Variants in TMEM132D observed in about 807,000 individuals in gnomAD.
The protein encoded by TMEM132D is transmembrane protein 132D, also known as mature OL transmembrane protein.
Under a neutral mutation model 62.3 loss-of-function variants are expected in TMEM132D, and 21 were observed. The observed-to-expected ratio is 0.34, with a 90% CI of 0.24 to 0.49. The LOEUF is 0.49. TMEM132D is among the 20% of genes least tolerant of loss of function. The probability of loss-of-function intolerance (pLI) is 0.99; values close to 1 mark genes in which losing one functional copy is unlikely to be tolerated. For missense variants in TMEM132D, 1,346 were observed against 1,402.8 expected (o/e 0.96, Z 0.65); for synonymous variants, 621 against 575.6 (o/e 1.08, Z -1.13).
intron 5 of TMEM132D, among the ~76,000 whole-genome samples, chr12:129,206,676 A>G (rs1294205923): frequency 6.6e-6 from 1 of 152,246 alleles, no homozygotes; most frequent in African/African-American, 2.4e-5. Context: ...TACACTATTC[A>G]CAATAGCAAA....
At chr12:129,490,007 A>G (rs768189930) in intron 3 of TMEM132D, among the ~76,000 whole-genome samples, 45 of 152,220 alleles carry the variant, frequency 3.0e-4, no homozygotes, top group Non-Finnish European at 5.7e-4. Context: ...TATATGCCCC[A>G]TGGAATTAGG....
At chr12:129,349,146 T>G (rs573078281) in intron 3 of TMEM132D, among the ~76,000 whole-genome samples, 1 of 152,232 alleles carries the variant, frequency 6.6e-6, no homozygotes, top group Non-Finnish European at 1.5e-5. Flanking sequence ...TAGTATCTTT[T>G]TGAAATTATA....
At chr12:129,720,893 A>T (rs1868798790) in intron 1 of TMEM132D, among the ~76,000 whole-genome samples, 2 of 152,260 alleles carry the variant, frequency 1.3e-5, no homozygotes, top group Non-Finnish European at 2.9e-5. Flanking sequence ...GAGGGAAGGC[A>T]GTCTGCCCAG....
At chr12:129,810,954 G>A (rs954311062) in intron 1 of TMEM132D, among the ~76,000 whole-genome samples, 41 of 151,968 alleles carry the variant, frequency 2.7e-4, no homozygotes, top group African/African-American at 9.2e-4. Flanking sequence ...AAAGTAACAG[G>A]AAAGTTATGG....
chr12:129,142,646 A>C (rs1876777985), intron 5 of TMEM132D, among the ~76,000 whole-genome samples: 1 of 152,222 alleles, frequency 6.6e-6, no homozygotes. Context: ...CTAACACATC[A>C]TTGTTTAGAG....
At chr12:129,155,778 A>G (rs1877222644) in intron 5 of TMEM132D, among the ~76,000 whole-genome samples, 1 of 151,810 alleles carries the variant, frequency 6.6e-6, no homozygotes, top group East Asian at 2.0e-4. Flanking sequence ...TAACACATGT[A>G]CATGCCTATG....
intron 4 of TMEM132D, among the ~76,000 whole-genome samples, chr12:129,279,808 C>T (rs1881093254): frequency 6.6e-6 from 1 of 152,216 alleles, no homozygotes. Flanking sequence ...TCATGTTTTA[C>T]GCAGCCACGT....
intron 3 of TMEM132D, among the ~76,000 whole-genome samples, chr12:129,509,489 T>C (rs886777819): frequency 6.6e-6 from 1 of 152,142 alleles, no homozygotes; most frequent in East Asian, 1.9e-4. Flanking sequence ...CCAATTATAT[T>C]CTTTTAGTTA....
chr12:129,271,399 T>C lies in TMEM132D; in HGVS notation c.1300-61736A>G, dbSNP rs558496463. On this transcript the variant is annotated intron_variant, in intron 4 of 8. Transcript: ENST00000422113. ...GTTTTTCTTTTTTCTTTTTGATTTT[T>C]TTTTAAATTTTACTTTGAGTTCTGG... Among the ~76,000 whole-genome samples the C allele has an allele frequency of 5.3e-5, 8 of 151,972 alleles. No homozygotes were observed. The South Asian group carries it at 1.7e-3, about 32-fold the overall frequency.
intron 5 of TMEM132D, among the ~76,000 whole-genome samples, chr12:129,151,547 C>A (rs898002529): frequency 6.6e-6 from 1 of 152,252 alleles, no homozygotes; most frequent in Middle Eastern, 3.4e-3. Context: ...GGGTGACATG[C>A]GGCTGAAAGG....
At chr12:129,820,136 T>C (rs1010812062) in intron 1 of TMEM132D, among the ~76,000 whole-genome samples, 2 of 152,204 alleles carry the variant, frequency 1.3e-5, no homozygotes, top group African/African-American at 4.8e-5. Context: ...TCTGCAACCT[T>C]GGCCATAGCA....
rs111491715 is a variant in TMEM132D, at chr12:129,225,708, C to T, written c.1300-16045G>A. Among the ~76,000 whole-genome samples, 104 of 152,186 alleles carry T rather than the reference C, an allele frequency of 6.8e-4. 1 individual carries two copies. The highest frequency in any genetic ancestry group is 2.4e-3 in the African/African-American group (101 of 41,538). ...CTTATTAGTAGTATCCTAACATATG[C>T]AATGACTTACATGGATTCAATTACG... On this transcript the variant is annotated intron_variant, in intron 4 of 8. Transcript: ENST00000422113.
At chr12:129,511,615 A>G (rs1875498781) in intron 3 of TMEM132D, among the ~76,000 whole-genome samples, 1 of 152,058 alleles carries the variant, frequency 6.6e-6, no homozygotes, top group South Asian at 2.1e-4. Context: ...TCATGTGCCT[A>G]TTTGCCATCT....
intron 3 of TMEM132D, among the ~76,000 whole-genome samples, chr12:129,420,026 C>T (rs1872253725): frequency 6.6e-6 from 1 of 152,084 alleles, no homozygotes; most frequent in African/African-American, 2.4e-5. Flanking sequence ...ATTTAAGGCA[C>T]ATTGGGTGAA....
intron 1 of TMEM132D, among the ~76,000 whole-genome samples, chr12:129,708,950 C>T (rs963534643): frequency 3.3e-5 from 5 of 152,082 alleles, no homozygotes; most frequent in Non-Finnish European, 7.4e-5. Context: ...AGACAGGGAA[C>T]GACTGTATCA....
chr12:129,507,350 C>T (rs1875365091), intron 3 of TMEM132D, among the ~76,000 whole-genome samples: 1 of 152,084 alleles, frequency 6.6e-6, no homozygotes, highest in South Asian at 2.1e-4. Context: ...TCCAGCAATC[C>T]CACTACTGGA....
chr12:129,333,748 T>C (rs1477339705), intron 4 of TMEM132D, among the ~76,000 whole-genome samples: 1 of 152,182 alleles, frequency 6.6e-6, no homozygotes, highest in Non-Finnish European at 1.5e-5. Flanking sequence ...GCAGAGCTCC[T>C]AGACTGATGG....
intron 3 of TMEM132D, among the ~76,000 whole-genome samples, chr12:129,466,279 C>CTTTTTTTTTTT (rs551019541): frequency 1.0e-5 from 1 of 100,396 alleles, no homozygotes; most frequent in African/African-American, 3.8e-5. Flanking sequence ...TAGATTTTTC[C>CTTTTTTTTTTT]TTTTTTTTTT....
intron 5 of TMEM132D, among the ~76,000 whole-genome samples, chr12:129,092,564 C>T (rs768065338): frequency 5.3e-5 from 8 of 151,992 alleles, no homozygotes; most frequent in Non-Finnish European, 8.8e-5. Context: ...GGCTTGGTGG[C>T]GGCGCCTGTA....
Sources: gnomAD v4.1 joint callset for allele counts (sites outside exome capture counted in the v4.1 genomes callset) on GRCh38, gnomAD v4.1.1 for gene constraint, MANE v1.5 for transcripts, NCBI Gene and HGNC (gene_info 2026-07-23, HGNC 2026-07-21) for gene names.